ZNF749: variants seen among roughly 807,000 people sequenced by gnomAD.
ZNF749 encodes the protein zinc finger protein 749.
A neutral mutation model predicts 7.3 loss-of-function variants in ZNF749; 8 were observed. The ratio of observed to expected loss-of-function variants is 1.10; its 90% CI spans 0.64 to 1.98. The LOEUF is 1.98. ZNF749 is among the 30% of genes most tolerant of loss of function. ZNF749 has a pLI of 0.00. For synonymous variants in ZNF749, 310 were observed against 322.4 expected (o/e 0.96, Z 0.41); for missense variants, 898 against 932.4 (o/e 0.96, Z 0.48).
intron 1 of ZNF749, among the ~76,000 whole-genome samples, chr19:57,437,168 T>C (rs187990043): frequency 1.3e-3 from 203 of 152,298 alleles, no homozygotes; most frequent in African/African-American, 4.7e-3. Flanking sequence ...ACAGTTGTCC[T>C]CAGGCATAGG....
At position 57,435,577 on chromosome 19, in the gene ZNF749, C is replaced by T. The variant is rs1236950711; in HGVS notation, c.-2C>T. On this transcript the variant is annotated 5_prime_UTR_variant, in exon 1 of 3. Transcript: ENST00000334181. ...CTGGGTGGACTGGAGGAGGCCGCGC[C>T]GATGAACCTGACCGAGGTGCGTGCA... The T allele has an allele frequency of 6.2e-7, 1 of 1,605,804 alleles. No individual in the cohort carries two copies. The highest frequency in any genetic ancestry group is 8.5e-7 in the Non-Finnish European group (1 of 1,177,344).
upstream of ZNF749, among the ~76,000 whole-genome samples, chr19:57,435,079 C>T (rs914489023): frequency 6.6e-6 from 1 of 152,190 alleles, no homozygotes; most frequent in Admixed American, 6.5e-5. Context: ...CTTAAGAGCC[C>T]CGGAACTGCA....
At chr19:57,437,667 T>C (rs2088948324) in intron 1 of ZNF749, among the ~76,000 whole-genome samples, 1 of 143,596 alleles carries the variant, frequency 7.0e-6, no homozygotes, top group African/African-American at 2.6e-5. Flanking sequence ...GAGGTTCCAG[T>C]GAGCTGAGAT....
chr19:57,434,529 G>A (rs893832169), upstream of ZNF749, among the ~76,000 whole-genome samples: 1 of 151,712 alleles, frequency 6.6e-6, no homozygotes, highest in Non-Finnish European at 1.5e-5. Flanking sequence ...TTCCAGTTGC[G>A]CCTTTCCAGA....
rs2089018856 is a variant in ZNF749 at position 57,443,623 on chromosome 19, A to G, written c.475A>G (p.Lys159Glu). The G allele has an allele frequency of 1.2e-6, 2 of 1,614,230 alleles. No individual in the cohort carries two copies. Among genetic ancestry groups the G allele is most frequent in the Non-Finnish European group, 1.7e-6 (2 of 1,180,034 alleles). The change falls in exon 3 of 3, where the codon AAG (lysine) becomes GAG (glutamate). Residue 159 changes from lysine (K) to glutamate (E), a missense_variant. Lys to Glu is a moderately conservative substitution (Grantham distance 56). Transcript: ENST00000334181. ...ERNFTCTQGG[K>E]DFTASSDLLQ... Reference sequence around the variant, plus strand: ...GAACTTCACATGCACGCAGGGTGGCAAGGATTTTACTGCCAGCTCAGACCT... The same window carrying G: ...GAACTTCACATGCACGCAGGGTGGCGAGGATTTTACTGCCAGCTCAGACCT...
chr19:57,437,771 T>G (rs2088949729), intron 1 of ZNF749, among the ~76,000 whole-genome samples: 2 of 151,812 alleles, frequency 1.3e-5, no homozygotes, highest in South Asian at 2.1e-4. Flanking sequence ...TCAAAACCCT[T>G]CTACTTTGTG....
At chr19:57,434,546 C>T (rs759331606), upstream of ZNF749, among the ~76,000 whole-genome samples, 9 of 152,078 alleles carry the variant, frequency 5.9e-5, no homozygotes, top group Non-Finnish European at 1.2e-4. Flanking sequence ...CAGAGGAATC[C>T]AATGTACATT....
Position 57,435,446 on chromosome 19 carries a change from G to C in ZNF749, c.-133G>C, listed in dbSNP as rs948935233. 10 of 1,341,088 alleles carry C rather than the reference G, an allele frequency of 7.5e-6. No individual in the cohort carries two copies. The African/African-American group carries it at 1.5e-4, about 20-fold the overall frequency. The allele number at this position is 1,341,088 out of a possible 1,614,324, so 83.1% of individuals were successfully genotyped here. On this transcript the variant is annotated 5_prime_UTR_variant, in exon 1 of 3. Coordinates refer to ENST00000334181, the MANE Select transcript of ZNF749 (RefSeq NM_001023561.4). ...GAAAGAGCGGAAAAACGCGAGAAGCGGTGTTCCTTCTACACAGAGGCTAGA... is the reference window on the plus strand; with the variant it reads ...GAAAGAGCGGAAAAACGCGAGAAGCCGTGTTCCTTCTACACAGAGGCTAGA...
rs761689545 is a variant in ZNF749, at chr19:57,443,350, G to A, written c.202G>A (p.Val68Met). ...TTCCAAGCAGTGTGTTTCTGTAAGAGTGTTACAGGTCACAATTCCAAAGCC... is the reference window on the plus strand; with the variant it reads ...TTCCAAGCAGTGTGTTTCTGTAAGAATGTTACAGGTCACAATTCCAAAGCC... ...VPSKQCVSVR[V>M]LQVTIPKPAL... is the part of the protein sequence containing the mutation. The change falls in exon 3 of 3, where the codon GTG becomes ATG. Residue 68 changes from valine to methionine, a missense_variant. By Grantham distance (21) the Val-to-Met change is conservative (BLOSUM62 1). Coordinates refer to ENST00000334181, the MANE Select transcript of ZNF749 (RefSeq NM_001023561.4). The A allele has an allele frequency of 6.2e-7, 1 of 1,614,050 alleles. No homozygotes were observed. The highest frequency in any genetic ancestry group is 1.3e-5 in the African/African-American group (1 of 74,960).
At chr19:57,434,316 C>T (rs112774271), upstream of ZNF749, among the ~76,000 whole-genome samples, 1 of 152,120 alleles carries the variant, frequency 6.6e-6, no homozygotes, top group East Asian at 1.9e-4. Flanking sequence ...AGGCTGGTCT[C>T]GAACTCCCAA....
Position 57,444,830 on chromosome 19 carries a change from G to A in ZNF749, c.1682G>A (p.Cys561Tyr). Reference sequence around the variant, plus strand: ...CCAAGGCCTTATGTGTGTAGTGAATGTGGGAAGGCCTTCCTTACACAGGCT... The same window carrying A: ...CCAAGGCCTTATGTGTGTAGTGAATATGGGAAGGCCTTCCTTACACAGGCT... ...LRPRPYVCSE[C>Y]GKAFLTQAHL... is the part of the protein sequence containing the mutation. Residue 561 changes from cysteine to tyrosine, a missense_variant, in exon 3 of 3, where the codon TGT becomes TAT. Physicochemically the swap from Cys to Tyr is radical, Grantham distance 194 (BLOSUM62 -2). Coordinates refer to ENST00000334181, the MANE Select transcript of ZNF749 (RefSeq NM_001023561.4). 6.2e-7 allele frequency: 1 copy of A among 1,614,108 alleles called. No individual in the cohort carries two copies. Among genetic ancestry groups the A allele is most frequent in the Non-Finnish European group, 8.5e-7 (1 of 1,179,972 alleles).
At chr19:57,428,775 G>C in the ZNF749 span, among the ~76,000 whole-genome samples, 1 of 152,116 alleles carries the variant, frequency 6.6e-6, no homozygotes, top group Admixed American at 6.5e-5. Flanking sequence ...TCTGAATTGA[G>C]GAACTTCTAG....
Position 57,436,455 on chromosome 19 carries a change from C to G in ZNF749, c.15+862C>G, listed in dbSNP as rs529750081. On this transcript the variant is annotated intron_variant, in intron 1 of 2. Transcript: ENST00000334181. This position sits in a 1 kb window ranked among gnomAD's most constrained non-coding sequence, Gnocchi z 4.0. ...GGAAAGACCATGGTAGGGAGGGCAT[C>G]TCTGATACTCCCTGCAGAAGGGAGC... 1.1e-4 allele frequency among the ~76,000 whole-genome samples: 17 copies of G among 152,258 alleles called. No homozygotes were observed. Among genetic ancestry groups the G allele is most frequent in the African/African-American group, 4.1e-4 (17 of 41,542 alleles).
Position 57,442,763 on chromosome 19 carries a change from C to T in ZNF749, c.143-528C>T, listed in dbSNP as rs887754017. On this transcript the variant is annotated intron_variant, in intron 2 of 2. Transcript: ENST00000334181. This position sits in a 1 kb window ranked among gnomAD's most constrained non-coding sequence, Gnocchi z 6.6. ...CTATTGTTTGATGCAGGGCCACTGGCCACTCGTCACTCTTCCTTTCCTTCC... is the reference window on the plus strand; with the variant it reads ...CTATTGTTTGATGCAGGGCCACTGGTCACTCGTCACTCTTCCTTTCCTTCC... Among the ~76,000 whole-genome samples the T allele has an allele frequency of 6.6e-5, 10 of 152,168 alleles. No individual in the cohort carries two copies. Among genetic ancestry groups the T allele is most frequent in the Non-Finnish European group, 1.3e-4 (9 of 68,040 alleles).
chr19:57,438,101 G>A lies in ZNF749; in HGVS notation c.15+2508G>A, dbSNP rs778915186. 96 of 398,752 alleles carry A rather than the reference G, an allele frequency of 2.4e-4. 1 individual carries two copies. Among genetic ancestry groups the A allele is most frequent in the Admixed American group, 4.8e-4 (11 of 22,710 alleles). 24.7% of individuals were successfully genotyped at this position (398,752 alleles called of 1,614,324 possible). A position where few individuals can be genotyped will look rare whatever the true frequency, so the allele number is the denominator to read the frequency against. On this transcript the variant is annotated intron_variant, in intron 1 of 2. Coordinates refer to ENST00000334181, the MANE Select transcript of ZNF749 (RefSeq NM_001023561.4). ...TCATGGCTTGCTTCTTCCTGTTACA[G>A]GCCGAAAGAATGAGGGTCGTGATCA...
chr19:57,445,394 G>T lies in ZNF749; in HGVS notation c.2246G>T (p.Arg749Met). 1 of 1,613,954 alleles carries T rather than the reference G, an allele frequency of 6.2e-7. No individual in the cohort carries two copies. The highest frequency in any genetic ancestry group is 1.7e-5 in the Admixed American group (1 of 60,018). Residue 749 changes from arginine to methionine, a missense_variant, in exon 3 of 3, where the codon AGG becomes ATG. By Grantham distance (91) the Arg-to-Met change is moderately conservative. Coordinates refer to ENST00000334181, the MANE Select transcript of ZNF749 (RefSeq NM_001023561.4). The stretch of plus-strand genomic sequence containing the variant: ...CGCCAAAAAACTCACACTGGAGAAA[G>T]GTCTTATGAGTGTGGTGAATCCAGC... ...GQRQKTHTGE[R>M]SYECGESSKV...
rs1385397787 is a variant in ZNF749 at position 57,436,490 on chromosome 19, C to T, written c.15+897C>T. On this transcript the variant is annotated intron_variant, in intron 1 of 2. Transcript: ENST00000334181. The surrounding 1 kb of genome is among the most constrained non-coding windows in gnomAD (Gnocchi z 4.0). Reference sequence around the variant, plus strand: ...CCCTGCAGAAGGGAGCAGATATGGGCTAAGAGTCTGGTCTGTTTCTGTTGA... The same window carrying T: ...CCCTGCAGAAGGGAGCAGATATGGGTTAAGAGTCTGGTCTGTTTCTGTTGA... 6.6e-6 allele frequency among the ~76,000 whole-genome samples: 1 copy of T among 152,106 alleles called. No homozygotes were observed. Among genetic ancestry groups the T allele is most frequent in the Non-Finnish European group, 1.5e-5 (1 of 68,016 alleles).
chr19:57,430,003 T>G, the ZNF749 span, among the ~76,000 whole-genome samples: 1 of 152,194 alleles, frequency 6.6e-6, no homozygotes, highest in Non-Finnish European at 1.5e-5. Context: ...CCTATAGTTT[T>G]ATTGTGGTTT....
chr19:57,435,106 C>T (rs567717031), upstream of ZNF749, among the ~76,000 whole-genome samples: 83 of 151,962 alleles, frequency 5.5e-4, no homozygotes, highest in Non-Finnish European at 6.2e-4. Context: ...AACGCTCCTC[C>T]AGGAGCCTCC....
Sources: gnomAD v4.1 joint callset for allele counts (sites outside exome capture counted in the v4.1 genomes callset) on GRCh38, gnomAD v4.1.1 for gene constraint, Gnocchi (gnomAD v3.1) non-coding constraint, MANE v1.5 for transcripts, NCBI Gene and HGNC (gene_info 2026-07-23, HGNC 2026-07-21) for gene names.